The following ASH1L variants were observed in gnomAD, a reference collection of about 807,000 sequenced individuals.
ASH1L encodes the protein ASH1 like histone lysine methyltransferase, also known as histone-lysine N-methyltransferase ASH1L.
ASH1L carries 23 observed loss-of-function variants against 269.0 expected under a neutral mutation model. The ratio of observed to expected loss-of-function variants is 0.09; its 90% CI spans 0.06 to 0.12. ASH1L has a LOEUF of 0.12. ASH1L is among the 10% of genes least tolerant of loss of function. ASH1L has a pLI of 1.00. For missense variants in ASH1L, 2,912 were observed against 3,567.8 expected (o/e 0.82, Z 4.68); for synonymous variants, 1,187 against 1,253.5 (o/e 0.95, Z 1.12).
At chr1:155,535,359 A>G (rs1265931046) in intron 1 of ASH1L, among the ~76,000 whole-genome samples, 1 of 151,990 alleles carries the variant, frequency 6.6e-6, no homozygotes, top group East Asian at 1.9e-4. Context: ...CCTCCCGCGC[A>G]GCTAACAGGG....
chr1:155,415,991 T>TAAA (rs375529558), intron 5 of ASH1L, 68 bp from the exon 6 acceptor site: 1,283 of 1,032,832 alleles, frequency 1.2e-3, no homozygotes, highest in Middle Eastern at 4.2e-3. Context: ...ATTGTCTACT[T>TAAA]AAAAAAAAAA....
chr1:155,548,738 T>C (rs1339967845), intron 1 of ASH1L, among the ~76,000 whole-genome samples: 1 of 151,256 alleles, frequency 6.6e-6, no homozygotes, highest in Non-Finnish European at 1.5e-5. Flanking sequence ...CTTCATCTTT[T>C]CTCTATCTAC....
Position 155,343,786 on chromosome 1 carries a change from T to C in ASH1L, c.7982-44A>G, listed in dbSNP as rs778354184. 1.2e-6 allele frequency: 2 copies of C among 1,604,916 alleles called. No individual in the cohort carries two copies. The highest frequency in any genetic ancestry group is 2.2e-5 in the East Asian group (1 of 44,802). On this transcript the variant is annotated intron_variant, in intron 22 of 27. Coordinates refer to ENST00000392403, the MANE Select transcript of ASH1L (RefSeq NM_018489.3). The surrounding 1 kb of genome is among the most constrained non-coding windows in gnomAD (Gnocchi z 6.1). ...CAGAAGAAACATAAAACAATTCTTG[T>C]ATGAATTCTGTTAGGCATCTGTTTA...
At chr1:155,562,064 G>A (rs1160983707) in intron 1 of ASH1L, 89 bp downstream of exon 1, 6 of 892,026 alleles carry the variant, frequency 6.7e-6, no homozygotes, top group Non-Finnish European at 8.7e-6. Context: ...ATCCAGGTCC[G>A]GGAGATGACA....
intron 1 of ASH1L, among the ~76,000 whole-genome samples, chr1:155,552,725 GAT>G (rs1237484154): frequency 6.6e-6 from 1 of 152,038 alleles, no homozygotes; most frequent in African/African-American, 2.4e-5. Flanking sequence ...TGTGAGAAAA[GAT>G]AAATAGTATG....
chr1:155,357,255 T>C, intron 15 of ASH1L, 61 bp downstream of exon 15: 1 of 1,400,208 alleles, frequency 7.1e-7, no homozygotes, highest in Non-Finnish European at 1.0e-6. Context: ...TCATAATTTT[T>C]TACACAGATA....
intron 2 of ASH1L, among the ~76,000 whole-genome samples, chr1:155,515,556 A>G (rs1668445388): frequency 6.6e-6 from 1 of 152,104 alleles, no homozygotes; most frequent in Non-Finnish European, 1.5e-5. Context: ...GGCCGGACAC[A>G]GGGACTCACT....
At chr1:155,555,950 G>C (rs1005859656) in intron 1 of ASH1L, among the ~76,000 whole-genome samples, 2 of 152,186 alleles carry the variant, frequency 1.3e-5, no homozygotes, top group African/African-American at 4.8e-5. Context: ...TAAGCAAGAG[G>C]GGAAGGAGGG....
rs951479303 is a variant in ASH1L at position 155,478,464 on chromosome 1, A to T, written c.4406T>A (p.Val1469Asp). The T allele has an allele frequency of 1.9e-6, 3 of 1,614,092 alleles. No individual in the cohort carries two copies. The highest frequency in any genetic ancestry group is 2.5e-6 in the Non-Finnish European group (3 of 1,180,010). ...PLLSMSTYPS[V>D]PPEMAYGWMV... ...CCAACCATAGGCCATCTCAGGAGGA[A>T]CACTGGGGTAGGTACTCATGGAAAG... The change falls in exon 3 of 28, where the codon GTT (valine) becomes GAT (aspartate). Residue 1469 changes from valine (V) to aspartate (D), a missense_variant. Val to Asp is a radical substitution (Grantham distance 152). Coordinates refer to ENST00000392403, the MANE Select transcript of ASH1L (RefSeq NM_018489.3). The surrounding 1 kb of genome is among the most constrained non-coding windows in gnomAD (Gnocchi z 4.6).
intron 3 of ASH1L, among the ~76,000 whole-genome samples, chr1:155,463,890 T>TA (rs1232985108): frequency 6.6e-6 from 1 of 152,084 alleles, no homozygotes; most frequent in African/African-American, 2.4e-5. Context: ...ACCTTAAACA[T>TA]AGAGTGAATC....
Position 155,415,880 on chromosome 1 carries a change from G to A in ASH1L, c.5872C>T (p.Pro1958Ser). 1 of 1,609,800 alleles carries A rather than the reference G, an allele frequency of 6.2e-7. No individual in the cohort carries two copies. Among genetic ancestry groups the A allele is most frequent in the African/African-American group, 1.3e-5 (1 of 74,678 alleles). Reference protein sequence around the residue: ...PVEIPSPSETPAKPSEPESTL... With the variant: ...PVEIPSPSETSAKPSEPESTL... ...CTTTCAGGTTCAGAAGGTTTAGCTGGGGTTTCAGAAGGACTGGGAATCTCA... is the reference window on the plus strand; with the variant it reads ...CTTTCAGGTTCAGAAGGTTTAGCTGAGGTTTCAGAAGGACTGGGAATCTCA... The change falls in exon 6 of 28, where the codon CCA (proline) becomes TCA (serine). Residue 1958 changes from proline to serine, a missense_variant. Physicochemically the swap from Pro to Ser is moderately conservative, Grantham distance 74 (BLOSUM62 -1). Transcript: ENST00000392403.
At position 155,438,831 on chromosome 1, in the gene ASH1L, C is replaced by G. The variant is rs1326354491; in HGVS notation, c.5324G>C (p.Cys1775Ser). 26 of 1,614,084 alleles carry G rather than the reference C, an allele frequency of 1.6e-5. No homozygotes were observed. The highest frequency in any genetic ancestry group is 1.9e-5 in the Non-Finnish European group (23 of 1,180,048). Reference sequence around the variant, plus strand: ...AGATAGGAGTGAGATGCTATTATTGCAAGAGTCACTTGTGACTGCAGGCAC... The same window carrying G: ...AGATAGGAGTGAGATGCTATTATTGGAAGAGTCACTTGTGACTGCAGGCAC... The part of the protein sequence containing the change: ...LLVPAVTSDS[C>S]NNSISLLSEK... The change falls in exon 5 of 28, where the codon TGC (cysteine) becomes TCC (serine). Residue 1775 changes from cysteine (C) to serine (S), a missense_variant. By Grantham distance (112) the Cys-to-Ser change is moderately radical. This residue lies in a region of ASH1L where 789 missense variants were observed against 897.6 expected (regional missense o/e 0.88). Transcript: ENST00000392403.
At chr1:155,381,953 T>C (rs1656999440) in intron 7 of ASH1L, among the ~76,000 whole-genome samples, 2 of 150,184 alleles carry the variant, frequency 1.3e-5, no homozygotes, top group African/African-American at 4.9e-5. Flanking sequence ...ACACCTGTAA[T>C]CCCAGCACTT....
At chr1:155,452,188 G>T (rs1663531880) in intron 4 of ASH1L, among the ~76,000 whole-genome samples, 1 of 151,564 alleles carries the variant, frequency 6.6e-6, no homozygotes, top group Non-Finnish European at 1.5e-5. Context: ...ACAGGCGCCC[G>T]CCATCATACC....
At chr1:155,544,381 G>C (rs1470313352) in intron 1 of ASH1L, among the ~76,000 whole-genome samples, 1 of 151,706 alleles carries the variant, frequency 6.6e-6, no homozygotes, top group African/African-American at 2.4e-5. Context: ...CTGCCTCCCG[G>C]GTTCATGCCA....
chr1:155,359,580 C>T (rs1007397701), intron 13 of ASH1L, among the ~76,000 whole-genome samples: 20 of 151,858 alleles, frequency 1.3e-4, no homozygotes, highest in Admixed American at 3.9e-4. Context: ...CAGACTTTTT[C>T]TTTTTTTGTG....
At position 155,480,506 on chromosome 1, in the gene ASH1L, T is replaced by C. The variant is rs369695594; in HGVS notation, c.2364A>G (p.Pro788=). ...CACTATCAGCTAAGAGAGCAAGAGA[T>C]GGAGCTGTGGATTTGCTCAACTTTG... ...RLPKLSKSTA[P]SLALLADSEK... is the part of the protein sequence containing the mutation. Residue 788 remains proline (P), a synonymous_variant, in exon 3 of 28, where the codon CCA becomes CCG. Transcript: ENST00000392403. 3 of 1,614,116 alleles carry C rather than the reference T, an allele frequency of 1.9e-6. No individual in the cohort carries two copies. Among genetic ancestry groups the C allele is most frequent in the Non-Finnish European group, 2.5e-6 (3 of 1,179,954 alleles).
chr1:155,505,194 C>G (rs910716042), intron 2 of ASH1L, among the ~76,000 whole-genome samples: 4 of 152,080 alleles, frequency 2.6e-5, no homozygotes, highest in Non-Finnish European at 5.9e-5. Context: ...CTGAGAAAAC[C>G]CTGTGAGACA....
At chr1:155,554,565 C>A (rs1254760808) in intron 1 of ASH1L, among the ~76,000 whole-genome samples, 2 of 152,144 alleles carry the variant, frequency 1.3e-5, no homozygotes, top group African/African-American at 4.8e-5. Flanking sequence ...AGCCACCATG[C>A]CCAGCCTGAA....
Sources: allele counts gnomAD v4.1 joint callset (sites outside exome capture counted in the v4.1 genomes callset), GRCh38; gene constraint gnomAD v4.1.1; regional missense constraint gnomAD v4.1.1; non-coding constraint Gnocchi (gnomAD v3.1); transcripts MANE v1.5; gene names NCBI Gene and HGNC (gene_info 2026-07-23, HGNC 2026-07-21).